The following ATP2C1 variants were observed in gnomAD, a reference collection of about 807,000 sequenced individuals.
The protein encoded by ATP2C1 is calcium-transporting ATPase type 2C member 1.
Under a neutral mutation model 120.5 loss-of-function variants are expected in ATP2C1, and 31 were observed. That is an observed-to-expected ratio of 0.26 (90% CI 0.19 to 0.35). ATP2C1 has a LOEUF of 0.35. Among genes scored for constraint, ATP2C1 ranks in the 10% least tolerant of loss-of-function variants. The pLI is 1.00. For missense variants in ATP2C1, 731 were observed against 1,107.5 expected, an observed-to-expected ratio of 0.66 and a Z score of 4.83; for synonymous variants, 351 against 358.7, an observed-to-expected ratio of 0.98 and a Z score of 0.24.
intron 2 of ATP2C1, among the ~76,000 whole-genome samples, chr3:130,923,993 G>A (rs2059087357): frequency 2.0e-5 from 3 of 151,988 alleles, no homozygotes; most frequent in Admixed American, 1.3e-4. Context: ...GATGACAGCA[G>A]ATCCTTGGTT....
At chr3:130,890,395 G>C (rs1198066593), upstream of ATP2C1, among the ~76,000 whole-genome samples, 1 of 152,154 alleles carries the variant, frequency 6.6e-6, no homozygotes, top group East Asian at 1.9e-4. Context: ...TAGTATATAA[G>C]ATCCCAAATA....
intron 12 of ATP2C1, chr3:130,959,705 C>T (rs2060737438): frequency 6.4e-6 from 1 of 156,118 alleles, no homozygotes; most frequent in Non-Finnish European, 1.4e-5. Flanking sequence ...GAAATGATGA[C>T]AAATTTAAAA....
intron 26 of ATP2C1, among the ~76,000 whole-genome samples, chr3:131,012,167 A>G (rs1419931398): frequency 1.3e-5 from 2 of 152,104 alleles, no homozygotes; most frequent in Admixed American, 6.6e-5. Context: ...TGGGACAGTT[A>G]TATTAATATA....
At chr3:130,937,351 A>T in intron 5 of ATP2C1, 77 bp from the exon 6 acceptor site, 1 of 1,237,882 alleles carries the variant, frequency 8.1e-7, no homozygotes, top group Non-Finnish European at 1.2e-6. Context: ...GACTGCAGAT[A>T]GTTAGAAAAA....
chr3:130,966,127 C>A (rs1160183823), intron 14 of ATP2C1, among the ~76,000 whole-genome samples: 1 of 152,024 alleles, frequency 6.6e-6, no homozygotes, highest in Admixed American at 6.6e-5. Flanking sequence ...GAAAAATAAG[C>A]AGTAGGCAAA....
At chr3:130,901,717 C>T (rs898393073) in intron 2 of ATP2C1, among the ~76,000 whole-genome samples, 16 of 152,108 alleles carry the variant, frequency 1.1e-4, no homozygotes, top group Admixed American at 3.9e-4. Flanking sequence ...AAATCAAGCA[C>T]CAGGATTCAA....
chr3:130,989,577 A>C (rs896773369), intron 20 of ATP2C1, among the ~76,000 whole-genome samples: 13 of 152,040 alleles, frequency 8.6e-5, no homozygotes, highest in Admixed American at 2.6e-4. Flanking sequence ...AAAAAAAAAA[A>C]AAAAAACACA....
intron 12 of ATP2C1, among the ~76,000 whole-genome samples, chr3:130,961,008 AAATAG>A (rs1182821412): frequency 6.6e-6 from 1 of 152,180 alleles, no homozygotes; most frequent in African/African-American, 2.4e-5. Context: ...AAGAAAAGTC[AAATAG>A]ATTACAAGGA....
At chr3:130,951,013 A>G (rs1490525653) in intron 8 of ATP2C1, among the ~76,000 whole-genome samples, 1 of 152,180 alleles carries the variant, frequency 6.6e-6, no homozygotes, top group African/African-American at 2.4e-5. Context: ...GTAAATTTCT[A>G]CAAGTATTTT....
chr3:130,996,933 GTGA>G, intron 24 of ATP2C1, 137 bp downstream of exon 24: 1 of 721,530 alleles, frequency 1.4e-6, no homozygotes, highest in Non-Finnish European at 2.5e-6. Flanking sequence ...TATAAATTGT[GTGA>G]TGTGTGTATT....
In ATP2C1 at chr3:130,975,458, A is replaced by G; in HGVS notation, c.1540A>G (p.Lys514Glu). The G allele has an allele frequency of 6.2e-7, 1 of 1,613,832 alleles. No homozygotes were observed. Among genetic ancestry groups the G allele is most frequent in the African/African-American group, 1.3e-5 (1 of 75,036 alleles). Residue 514 changes from lysine to glutamate, a missense_variant, in exon 18 of 28, where the codon AAG becomes GAG. By Grantham distance (56) the Lys-to-Glu change is moderately conservative. Transcript: ENST00000510168. ...GCAGAGAGATGTGTACCAACAAGAGAAGGCACGCATGGGCTCAGCGGGACT... is the reference window on the plus strand; with the variant it reads ...GCAGAGAGATGTGTACCAACAAGAGGAGGCACGCATGGGCTCAGCGGGACT... ...QQQRDVYQQE[K>E]ARMGSAGLRV...
intron 17 of ATP2C1, among the ~76,000 whole-genome samples, chr3:130,973,075 TCAAAA>T (rs1388290640): frequency 4.8e-5 from 7 of 145,970 alleles, no homozygotes; most frequent in African/African-American, 1.7e-4. Flanking sequence ...AAGGTAAAAA[TCAAAA>T]CAAATACAGA....
chr3:130,940,547 A>T, intron 6 of ATP2C1, 83 bp from the exon 7 acceptor site: 1 of 937,584 alleles, frequency 1.1e-6, no homozygotes. Flanking sequence ...GGGAAATTTT[A>T]AAATAATGAT....
intron 18 of ATP2C1, among the ~76,000 whole-genome samples, chr3:130,977,113 G>A (rs2061557110): frequency 6.6e-6 from 1 of 152,012 alleles, no homozygotes; most frequent in Non-Finnish European, 1.5e-5. Context: ...AGACTTAAGG[G>A]GCACTGCAGG....
intron 2 of ATP2C1, among the ~76,000 whole-genome samples, chr3:130,921,045 GT>G (rs969868916): frequency 1.4e-5 from 2 of 145,012 alleles, no homozygotes; most frequent in African/African-American, 5.1e-5. Context: ...TATTCTAACA[GT>G]TTTTTAAAAA....
At chr3:130,861,959 GA>G (rs2068027091) in intron 1 of ATP2C1, among the ~76,000 whole-genome samples, 1 of 152,002 alleles carries the variant, frequency 6.6e-6, no homozygotes, top group Non-Finnish European at 1.5e-5. Context: ...GATTTATTTT[GA>G]TTTTGATTTT....
intron 10 of ATP2C1, 108 bp downstream of exon 10, chr3:130,955,188 C>A: frequency 1.3e-6 from 1 of 793,042 alleles, no homozygotes; most frequent in Non-Finnish European, 2.2e-6. Context: ...ATATTTTATT[C>A]AGAATGGAAA....
Position 130,930,486 on chromosome 3 carries a change from C to G in ATP2C1, c.77C>G (p.Ala26Gly), listed in dbSNP as rs1439572504. The change falls in exon 3 of 28, where the codon GCA becomes GGA. Residue 26 changes from alanine (A) to glycine (G), a missense_variant. Transcript: ENST00000510168. Reference sequence around the variant, plus strand: ...ATTCCTGTATTGACATCAAAAAAAGCAAGTGAATTACCAGTCAGTGAAGTT... The same window carrying G: ...ATTCCTGTATTGACATCAAAAAAAGGAAGTGAATTACCAGTCAGTGAAGTT... ...TMIPVLTSKK[A>G]SELPVSEVAS... 4 of 1,613,138 alleles carry G rather than the reference C, an allele frequency of 2.5e-6. No homozygotes were observed. Among genetic ancestry groups the G allele is most frequent in the Non-Finnish European group, 3.4e-6 (4 of 1,179,194 alleles).
At chr3:130,918,521 T>C in intron 2 of ATP2C1, 1 of 756,956 alleles carries the variant, frequency 1.3e-6, no homozygotes, top group Non-Finnish European at 2.5e-6. Context: ...GGCTGAACAC[T>C]CTGGCTTGAT....
Sources: allele counts gnomAD v4.1 joint callset (sites outside exome capture counted in the v4.1 genomes callset), GRCh38; gene constraint gnomAD v4.1.1; transcripts MANE v1.5; gene names NCBI Gene and HGNC (gene_info 2026-07-23, HGNC 2026-07-21).